Variants in NGRN observed in about 807,000 individuals in gnomAD.
NGRN encodes neugrin, neurite outgrowth associated, also known as neugrin.
NGRN carries 12 observed loss-of-function variants against 13.1 expected under a neutral mutation model. That is an observed-to-expected ratio of 0.92 (90% CI 0.59 to 1.49). NGRN has a LOEUF of 1.49. Among genes scored for constraint, NGRN ranks in the 40% most tolerant of loss-of-function variants. The pLI is 0.00. For missense variants in NGRN, 397 were observed against 357.0 expected, an observed-to-expected ratio of 1.11 and a Z score of -0.90; for synonymous variants, 149 against 145.8, an observed-to-expected ratio of 1.02 and a Z score of -0.16.
At chr15:90,267,852 C>T (rs1230400424) in intron 2 of NGRN, among the ~76,000 whole-genome samples, 3 of 152,146 alleles carry the variant, frequency 2.0e-5, no homozygotes, top group Admixed American at 1.3e-4. Flanking sequence ...CTAAGTAGCC[C>T]TACATAGATT....
intron 2 of NGRN, 101 bp from the exon 3 acceptor site, chr15:90,271,087 T>C (rs1963494557): frequency 7.3e-7 from 1 of 1,370,962 alleles, no homozygotes; most frequent in African/African-American, 1.5e-5. Flanking sequence ...TGAGCCACCA[T>C]GCCAGGCCTC....
At chr15:90,266,467 G>A (rs1291832842) in intron 2 of NGRN, 69 bp downstream of exon 2, 6 of 1,301,890 alleles carry the variant, frequency 4.6e-6, no homozygotes, top group Non-Finnish European at 6.4e-6. Context: ...CCCAGAAACG[G>A]GTTTGGCTTT....
At chr15:90,268,529 G>A (rs974907764) in intron 2 of NGRN, among the ~76,000 whole-genome samples, 1 of 151,956 alleles carries the variant, frequency 6.6e-6, no homozygotes, top group Non-Finnish European at 1.5e-5. Context: ...CCAATTCTCT[G>A]TATGCTTTAG....
At chr15:90,266,212 A>T in intron 1 of NGRN, 76 bp from the exon 2 acceptor site, 1 of 1,534,764 alleles carries the variant, frequency 6.5e-7, no homozygotes, top group Non-Finnish European at 8.8e-7. Flanking sequence ...TGGGCGCTCC[A>T]TGATTTAGCC....
At chr15:90,267,316 G>C (rs1347750564) in intron 2 of NGRN, among the ~76,000 whole-genome samples, 2 of 152,114 alleles carry the variant, frequency 1.3e-5, no homozygotes, top group African/African-American at 4.8e-5. Context: ...ACAGGCATGA[G>C]CCACTGTGTG....
At chr15:90,266,428 G>A in intron 2 of NGRN, 30 bp downstream of exon 2, 32 of 1,558,526 alleles carry the variant, frequency 2.1e-5, no homozygotes, top group Non-Finnish European at 2.7e-5. Context: ...GTTTGTATCC[G>A]CTGTGATGAG....
chr15:90,271,678 C>T lies in NGRN; in HGVS notation c.766C>T (p.Gln256Ter). ...GTGSGALPSG[Q>*]KLEELKAEEP... ...TGGCAGTGGTGCGTTGCCAAGTGGT[C>T]AGAAGCTGGAGGAGTTGAAGGCAGA... Residue 256 changes from glutamine to a stop codon, truncating the protein, a stop_gained, in exon 3 of 3, where the codon CAG becomes TAG. Transcript: ENST00000379095. LOFTEE classifies it high-confidence loss of function. The T allele has an allele frequency of 3.7e-6, 6 of 1,614,124 alleles. No individual in the cohort carries two copies. Among genetic ancestry groups the T allele is most frequent in the Non-Finnish European group, 5.1e-6 (6 of 1,180,042 alleles).
chr15:90,270,824 C>G (rs1416950940), intron 2 of NGRN, among the ~76,000 whole-genome samples: 2 of 152,180 alleles, frequency 1.3e-5, no homozygotes, highest in Non-Finnish European at 2.9e-5. Context: ...TGCGGTTTTT[C>G]AAGCTCTCTT....
chr15:90,266,020 T>A, intron 1 of NGRN, 144 bp downstream of exon 1: 3 of 1,397,336 alleles, frequency 2.1e-6, no homozygotes, highest in Non-Finnish European at 2.8e-6. Context: ...GGGCGCAGCG[T>A]CAGGTGTTCA....
chr15:90,267,496 A>AT (rs1963443962), intron 2 of NGRN, among the ~76,000 whole-genome samples: 1 of 152,000 alleles, frequency 6.6e-6, no homozygotes, highest in Non-Finnish European at 1.5e-5. Flanking sequence ...TATTTAAACA[A>AT]TTTTTTCTCC....
intron 2 of NGRN, among the ~76,000 whole-genome samples, chr15:90,268,992 C>CTTTT (rs71461858): frequency 3.7e-4 from 17 of 45,684 alleles, no homozygotes; most frequent in African/African-American, 8.6e-4. Context: ...CTGATTCTCT[C>CTTTT]TTTTTTTTTT....
chr15:90,270,272 A>C (rs1328098993), intron 2 of NGRN, among the ~76,000 whole-genome samples: 3 of 151,974 alleles, frequency 2.0e-5, no homozygotes, highest in Admixed American at 2.0e-4. Context: ...CTTGGGATAA[A>C]CTCCAGACCC....
In NGRN at chr15:90,265,695, A is replaced by C; in HGVS notation, c.-18A>C. 1 of 1,612,982 alleles carries C rather than the reference A, an allele frequency of 6.2e-7. No homozygotes were observed. Among genetic ancestry groups the C allele is most frequent in the Non-Finnish European group, 8.5e-7 (1 of 1,179,796 alleles). On this transcript the variant is annotated 5_prime_UTR_variant, in exon 1 of 3. Coordinates refer to ENST00000379095, the MANE Select transcript of NGRN (RefSeq NM_001033088.3). ...CTGCTGTTTCGTAGCCGACTGCTGA[A>C]GGCTGGTTTGCGTCGACATGGCGGT...
At chr15:90,268,392 GGA>G (rs138041060) in intron 2 of NGRN, among the ~76,000 whole-genome samples, 62,864 of 137,952 alleles carry the variant, frequency 0.46, 13,571 homozygotes, top group East Asian at 0.68. Flanking sequence ...CCTTTTAAGA[GGA>G]AAAAAAAAAA....
Position 90,271,775 on chromosome 15 carries a change from T to C in NGRN, c.863T>C (p.Leu288Pro). Residue 288 changes from leucine to proline, a missense_variant, in exon 3 of 3, where the codon CTG becomes CCG. Physicochemically the swap from Leu to Pro is moderately conservative, Grantham distance 98. Transcript: ENST00000379095. ...REFFDSNGNF[L>P]YRI ...TTCTTTGACAGCAACGGGAACTTCC[T>C]GTACAGAATTTGAGTCGGGGCTTGG... The C allele has an allele frequency of 1.2e-6, 2 of 1,613,828 alleles. No homozygotes were observed. Among genetic ancestry groups the C allele is most frequent in the Non-Finnish European group, 1.7e-6 (2 of 1,179,742 alleles).
At chr15:90,267,224 C>T (rs1567082503) in intron 2 of NGRN, among the ~76,000 whole-genome samples, 1 of 151,214 alleles carries the variant, frequency 6.6e-6, no homozygotes, top group Non-Finnish European at 1.5e-5. Context: ...GTAGAGATAG[C>T]CTCATCATGT....
intron 2 of NGRN, 40 bp downstream of exon 2, chr15:90,266,438 G>T: frequency 6.6e-7 from 1 of 1,514,012 alleles, no homozygotes. Context: ...GCTGTGATGA[G>T]AAGTGAAGGA....
At chr15:90,266,231 T>C (rs1427492478) in intron 1 of NGRN, 57 bp from the exon 2 acceptor site, 4 of 1,567,546 alleles carry the variant, frequency 2.6e-6, no homozygotes, top group African/African-American at 1.4e-5. Flanking sequence ...CCTGAGGCTC[T>C]TCAAACATCC....
Position 90,268,946 on chromosome 15 carries a change from A to ACCG in NGRN, c.276-2240_276-2239insGCC, listed in dbSNP as rs1354994348. ...CACCCAGCTGAAACTGCTTTCTCCC[A>ACCG]CCCCCCCCCCCCCATTATTTATTTA... is the stretch of plus-strand genomic sequence containing the variant. On this transcript the variant is annotated intron_variant, in intron 2 of 2. Transcript: ENST00000379095. Among the ~76,000 whole-genome samples the ACCG allele has an allele frequency of 1.3e-3, 38 of 29,944 alleles. 1 individual carries two copies. The highest frequency in any genetic ancestry group is 4.3e-3 in the African/African-American group (34 of 7,978). 19.6% of individuals were successfully genotyped at this position (29,944 alleles called of 152,430 possible).
Sources: gnomAD v4.1 joint callset for allele counts (sites outside exome capture counted in the v4.1 genomes callset) on GRCh38, gnomAD v4.1.1 for gene constraint, MANE v1.5 for transcripts, NCBI Gene and HGNC (gene_info 2026-07-23, HGNC 2026-07-21) for gene names.